PTPN3: variants seen among roughly 807,000 people sequenced by gnomAD.
PTPN3 encodes protein tyrosine phosphatase non-receptor type 3.
PTPN3 carries 96 observed loss-of-function variants against 132.7 expected under a neutral mutation model. The observed-to-expected ratio is 0.72, with a 90% CI of 0.61 to 0.86. PTPN3 has a LOEUF of 0.86. Ranked by LOEUF, PTPN3 falls within the 40% of genes least tolerant of loss-of-function variation. The pLI is 0.00. For missense variants in PTPN3, 1,125 were observed against 1,159.6 expected (o/e 0.97, Z 0.43); for synonymous variants, 398 against 429.0 (o/e 0.93, Z 0.89).
chr9:109,449,314 A>T (rs1845083559), intron 5 of PTPN3: 3 of 988,430 alleles, frequency 3.0e-6, no homozygotes, highest in Non-Finnish European at 3.6e-6. Context: ...AGTTGCTAAA[A>T]GGAGGGGAGT....
At chr9:109,401,929 T>C (rs867216482) in intron 19 of PTPN3, among the ~76,000 whole-genome samples, 3 of 152,148 alleles carry the variant, frequency 2.0e-5, no homozygotes, top group Non-Finnish European at 2.9e-5. Flanking sequence ...ATATTCTGTA[T>C]AATAACATCT....
At chr9:109,522,494 A>C in the PTPN3 span, among the ~76,000 whole-genome samples, 2 of 152,384 alleles carry the variant, frequency 1.3e-5, no homozygotes, top group East Asian at 3.9e-4. Flanking sequence ...TGTAGCATCC[A>C]ACCTTGCAGC....
At chr9:109,471,181 C>T (rs1224673733) in intron 1 of PTPN3, among the ~76,000 whole-genome samples, 12 of 152,138 alleles carry the variant, frequency 7.9e-5, no homozygotes, top group African/African-American at 1.7e-4. Flanking sequence ...CTCAGCCTCC[C>T]GAGTAGCTGG....
chr9:109,389,738 T>A (rs900176661), intron 21 of PTPN3, among the ~76,000 whole-genome samples: 1 of 152,242 alleles, frequency 6.6e-6, no homozygotes, highest in Non-Finnish European at 1.5e-5. Flanking sequence ...CCTAAGTCTT[T>A]CCCTATGCAG....
At chr9:109,527,889 A>C in the PTPN3 span, among the ~76,000 whole-genome samples, 1 of 152,252 alleles carries the variant, frequency 6.6e-6, no homozygotes, top group East Asian at 1.9e-4. Flanking sequence ...CATAATCAGA[A>C]TATATAAAGA....
chr9:109,497,862 G>A (rs1847744173), intron 1 of PTPN3, among the ~76,000 whole-genome samples: 1 of 151,522 alleles, frequency 6.6e-6, no homozygotes, highest in Admixed American at 6.6e-5. Context: ...CGGCGGCACG[G>A]GGTCCTCCGG....
chr9:109,476,379 A>G (rs946749511), intron 1 of PTPN3, among the ~76,000 whole-genome samples: 1 of 152,146 alleles, frequency 6.6e-6, no homozygotes, highest in African/African-American at 2.4e-5. Context: ...TTAAAAAAAA[A>G]AACAGTAAAA....
rs1299067417 is a variant in PTPN3, at chr9:109,483,923, A to G, written c.-18+14296T>C. ...CAGTCTCTGGACCAGTGACTTCAGC[A>G]TCACTGAGTGCCTGTTAGAAATGCA... On this transcript the variant is annotated intron_variant, in intron 1 of 25. Coordinates refer to ENST00000374541, the MANE Select transcript of PTPN3 (RefSeq NM_002829.4). Among the ~76,000 whole-genome samples, 3 of 152,330 alleles carry G rather than the reference A, an allele frequency of 2.0e-5. No homozygotes were observed. In the East Asian group the frequency reaches 5.8e-4, roughly 29 times the overall value.
At chr9:109,498,521 A>G (rs1329973638), upstream of PTPN3, among the ~76,000 whole-genome samples, 2 of 152,188 alleles carry the variant, frequency 1.3e-5, no homozygotes, top group African/African-American at 4.8e-5. This position sits in a 1 kb window ranked among gnomAD's most constrained non-coding sequence, Gnocchi z 4.2. Context: ...GCATGCAGCC[A>G]TTCGTTCCAC....
chr9:109,457,666 GATA>G (rs1845633144), intron 2 of PTPN3, among the ~76,000 whole-genome samples: 1 of 152,208 alleles, frequency 6.6e-6, no homozygotes, highest in Non-Finnish European at 1.5e-5. Context: ...ATTCCCAAGT[GATA>G]ATGTCTAAAT....
chr9:109,435,278 C>T (rs564442471), intron 9 of PTPN3, among the ~76,000 whole-genome samples: 1 of 152,204 alleles, frequency 6.6e-6, no homozygotes, highest in Admixed American at 6.5e-5. Context: ...CATTTCCCAG[C>T]TCCCCTTGCA....
Position 109,438,136 on chromosome 9 carries a change from C to T in PTPN3, c.565G>A (p.Glu189Lys), listed in dbSNP as rs200331488. Residue 189 changes from glutamate to lysine, a missense_variant, in exon 8 of 26, where the codon GAA (glutamate) becomes AAA (lysine). Coordinates refer to ENST00000374541, the MANE Select transcript of PTPN3 (RefSeq NM_002829.4). ...CACCTGTGCTGCTCATGCAGAGATT[C>T]GACTTTTGTTAAAAAGTCCTCATTT... Reference protein sequence around the residue: ...DQNEDFLTKVESLHEQHSGLK... With the variant: ...DQNEDFLTKVKSLHEQHSGLK... 1.5e-5 allele frequency: 25 copies of T among 1,613,804 alleles called. No individual in the cohort carries two copies. In the East Asian group the frequency reaches 3.1e-4, roughly 20 times the overall value.
At chr9:109,516,409 ATAC>A in the PTPN3 span, among the ~76,000 whole-genome samples, 8 of 152,214 alleles carry the variant, frequency 5.3e-5, no homozygotes, top group Non-Finnish European at 1.2e-4. Flanking sequence ...GGACAAGATG[ATAC>A]TTGAAATGGG....
intron 22 of PTPN3, among the ~76,000 whole-genome samples, chr9:109,383,997 C>T (rs1407546395): frequency 6.6e-6 from 1 of 152,100 alleles, no homozygotes; most frequent in Non-Finnish European, 1.5e-5. Context: ...CAGTTAAGGG[C>T]ACACATCTGG....
In PTPN3 at chr9:109,428,469, G is replaced by A. The variant is rs555673690; in HGVS notation, c.828+152C>T. The A allele has an allele frequency of 2.2e-4, 158 of 725,552 alleles. 1 individual carries two copies. The highest frequency in any genetic ancestry group is 2.0e-3 in the Middle Eastern group (8 of 4,088). The allele number at this position is 725,552 out of a possible 1,614,324, so 44.9% of individuals were successfully genotyped here. A position where few individuals can be genotyped will look rare whatever the true frequency, so the allele number is the denominator to read the frequency against. Reference sequence around the variant, plus strand: ...AGTAACTTAAAAACACAAGAAATGGGGCAAAGTGGTGCATGTTTCTAGTCC... The same window carrying A: ...AGTAACTTAAAAACACAAGAAATGGAGCAAAGTGGTGCATGTTTCTAGTCC... On this transcript the variant is annotated intron_variant, in intron 11 of 25. Transcript: ENST00000374541.
intron 1 of PTPN3, among the ~76,000 whole-genome samples, chr9:109,486,372 C>T (rs1384046211): frequency 2.0e-5 from 3 of 151,976 alleles, no homozygotes; most frequent in Non-Finnish European, 2.9e-5. Flanking sequence ...GAGGTACAGG[C>T]GCAAGGGGCC....
At chr9:109,415,036 G>GTCCGTCTGTCCGTCCA (rs1842366543) in intron 14 of PTPN3, among the ~76,000 whole-genome samples, 2 of 145,812 alleles carry the variant, frequency 1.4e-5, no homozygotes, top group Non-Finnish European at 1.5e-5. Context: ...CCGTCTGTCC[G>GTCCGTCTGTCCGTCCA]TCCGTCCGTC....
chr9:109,403,910 CT>C (rs1423739404), intron 19 of PTPN3, among the ~76,000 whole-genome samples: 1 of 152,104 alleles, frequency 6.6e-6, no homozygotes, highest in East Asian at 1.9e-4. Flanking sequence ...TGGTTTCTTA[CT>C]TGTGTTTATA....
chr9:109,492,293 A>G (rs1292374179), intron 1 of PTPN3, among the ~76,000 whole-genome samples: 1 of 151,648 alleles, frequency 6.6e-6, no homozygotes, highest in Non-Finnish European at 1.5e-5. Context: ...CAGGTCTCCA[A>G]CCCCACTCCT....
Sources: allele counts gnomAD v4.1 joint callset (sites outside exome capture counted in the v4.1 genomes callset), GRCh38; gene constraint gnomAD v4.1.1; non-coding constraint Gnocchi (gnomAD v3.1); transcripts MANE v1.5; gene names NCBI Gene and HGNC (gene_info 2026-07-23, HGNC 2026-07-21).